The following DMD variants were observed in gnomAD, a reference collection of about 807,000 sequenced individuals.
The protein encoded by DMD is mutant dystrophin.
A neutral mutation model predicts 330.1 loss-of-function variants in DMD; 63 were observed. The ratio of observed to expected loss-of-function variants is 0.19; its 90% CI spans 0.16 to 0.24. DMD has a LOEUF of 0.24. DMD is among the 10% of genes least tolerant of loss of function. The pLI is 1.00. For missense variants in DMD, 3,344 were observed against 2,684.1 expected (o/e 1.25, Z -5.43); for synonymous variants, 1,223 against 959.8 (o/e 1.27, Z -5.07).
chrX:32,636,719 C>A (rs753114443), intron 11 of DMD, among the ~76,000 whole-genome samples: 1 of 111,664 alleles, frequency 9.0e-6, no homozygotes, highest in African/African-American at 3.3e-5. Flanking sequence ...CTTGGCCAGG[C>A]GTGGTGGCTC....
rs146193082 is a variant in DMD at position 32,867,922 on chromosome X, A to T, written c.94-18102T>A. 7.5e-3 allele frequency among the ~76,000 whole-genome samples: 835 copies of T among 111,121 alleles called. 7 individuals carry two copies. Among genetic ancestry groups the T allele is most frequent in the South Asian group, 0.044 (112 of 2,539 alleles). On this transcript the variant is annotated intron_variant, in intron 2 of 78. Coordinates refer to ENST00000357033, the MANE Select transcript of DMD (RefSeq NM_004006.3). ...AAACTTAAAGTTACATCAAAAATGG[A>T]AAAATATGGAGAGAGGCCAAGATGA...
In DMD at chrX:33,181,881, C is replaced by T. The variant is rs139207437; in HGVS notation, c.31+29401G>A. Reference sequence around the variant, plus strand: ...AAGATCCTGCTTTTGACGGCCAACCCAGTGCTTTCCACACTTTCTCACACA... The same window carrying T: ...AAGATCCTGCTTTTGACGGCCAACCTAGTGCTTTCCACACTTTCTCACACA... On this transcript the variant is annotated intron_variant, in intron 1 of 78. Coordinates refer to ENST00000357033, the MANE Select transcript of DMD (RefSeq NM_004006.3). 4.6e-3 allele frequency among the ~76,000 whole-genome samples: 513 copies of T among 112,059 alleles called. 2 individuals carry two copies. The highest frequency in any genetic ancestry group is 0.016 in the African/African-American group (479 of 30,819).
intron 15 of DMD, among the ~76,000 whole-genome samples, chrX:32,572,966 G>A (rs1161076568): frequency 1.8e-5 from 2 of 111,118 alleles, no homozygotes; most frequent in African/African-American, 6.5e-5. Context: ...GATATACACT[G>A]GCTCCCCTTC....
At chrX:32,315,063 A>G (rs571339905) in intron 41 of DMD, among the ~76,000 whole-genome samples, 1 of 112,005 alleles carries the variant, frequency 8.9e-6, no homozygotes, top group Middle Eastern at 4.6e-3. Context: ...ATTATAAATC[A>G]TCCTACTATA....
intron 11 of DMD, among the ~76,000 whole-genome samples, chrX:32,624,923 C>G (rs2058248145): frequency 8.9e-6 from 1 of 111,750 alleles, no homozygotes; most frequent in African/African-American, 3.3e-5. Flanking sequence ...CCTGTAATCT[C>G]ATCACTTTGG....
chrX:31,797,915 G>A (rs1021746422), intron 50 of DMD, among the ~76,000 whole-genome samples: 1 of 112,168 alleles, frequency 8.9e-6, no homozygotes, highest in Non-Finnish European at 1.9e-5. Context: ...AGAATCTTCA[G>A]TGAGAGGAGC....
chrX:31,520,970 G>A (rs1299944928), intron 55 of DMD, among the ~76,000 whole-genome samples: 7 of 110,222 alleles, frequency 6.4e-5, no homozygotes, highest in Admixed American at 4.8e-4. Flanking sequence ...TTGAGCCACC[G>A]CGCCCGGCCG....
At chrX:32,052,764 T>C (rs138559820) in intron 44 of DMD, among the ~76,000 whole-genome samples, 1,810 of 110,667 alleles carry the variant, frequency 0.016, 18 homozygotes, top group Non-Finnish European at 0.025. Flanking sequence ...CTGAAGGAAA[T>C]CTAAAGCTGA....
intron 62 of DMD, among the ~76,000 whole-genome samples, chrX:31,285,089 A>C (rs1463984797): frequency 8.9e-6 from 1 of 111,954 alleles, no homozygotes; most frequent in East Asian, 2.8e-4. Flanking sequence ...GCCATCTGCA[A>C]TAAGAATGAT....
At chrX:32,791,937 T>C (rs750832614) in intron 7 of DMD, among the ~76,000 whole-genome samples, 2 of 111,885 alleles carry the variant, frequency 1.8e-5, no homozygotes, top group East Asian at 2.8e-4. Context: ...TGACACATTA[T>C]AGCCAAACTC....
At chrX:32,702,333 T>G (rs1603184722) in intron 7 of DMD, among the ~76,000 whole-genome samples, 3 of 111,863 alleles carry the variant, frequency 2.7e-5, no homozygotes, top group African/African-American at 9.7e-5. Context: ...GAATTAATTA[T>G]GCATAGGATT....
intron 11 of DMD, among the ~76,000 whole-genome samples, chrX:32,626,195 G>A (rs1393460409): frequency 8.9e-6 from 1 of 112,004 alleles, no homozygotes; most frequent in South Asian, 3.7e-4. Flanking sequence ...CTCAGGCTGG[G>A]CACAGTGGCT....
intron 43 of DMD, among the ~76,000 whole-genome samples, chrX:32,260,529 C>A (rs2097317523): frequency 9.0e-6 from 1 of 111,515 alleles, no homozygotes; most frequent in Non-Finnish European, 1.9e-5. Flanking sequence ...ACTCTATAAA[C>A]TGGTGGGACA....
chrX:31,263,573 C>T (rs1283761068), intron 62 of DMD, among the ~76,000 whole-genome samples: 2 of 112,010 alleles, frequency 1.8e-5, no homozygotes, highest in Non-Finnish European at 3.8e-5. Flanking sequence ...AGTTAAGATA[C>T]TAGTCCTTGA....
chrX:33,248,101 G>A (rs1209221411), intron 1 of DMD, among the ~76,000 whole-genome samples: 5 of 111,043 alleles, frequency 4.5e-5, no homozygotes, highest in African/African-American at 1.6e-4. Flanking sequence ...GAGTGCGGTG[G>A]CGCGATCTCA....
intron 51 of DMD, among the ~76,000 whole-genome samples, chrX:31,746,606 T>C (rs1290971191): frequency 2.7e-5 from 3 of 111,824 alleles, no homozygotes; most frequent in Non-Finnish European, 3.8e-5. Flanking sequence ...ATATGTTATA[T>C]AGAATATATT....
chrX:32,484,387 T>A (rs1312106653), intron 21 of DMD, among the ~76,000 whole-genome samples: 1 of 112,228 alleles, frequency 8.9e-6, no homozygotes. Flanking sequence ...ATTGCTCCAC[T>A]TTTATCTTTT....
intron 1 of DMD, among the ~76,000 whole-genome samples, chrX:33,026,087 G>A (rs2093990520): frequency 2.7e-5 from 3 of 109,846 alleles, no homozygotes; most frequent in African/African-American, 6.6e-5. Context: ...TGTAATCCCA[G>A]CACTTTGGGA....
intron 2 of DMD, among the ~76,000 whole-genome samples, chrX:32,912,360 AC>A (rs1356862081): frequency 1.8e-5 from 2 of 111,085 alleles, no homozygotes; most frequent in Non-Finnish European, 3.8e-5. Context: ...CACACAGTCT[AC>A]AAAGGTCAGT....
Sources: allele counts gnomAD v4.1 joint callset (sites outside exome capture counted in the v4.1 genomes callset), GRCh38; gene constraint gnomAD v4.1.1; transcripts MANE v1.5; gene names NCBI Gene and HGNC (gene_info 2026-07-23, HGNC 2026-07-21).